The following TENT4B variants were observed in gnomAD, a reference collection of about 807,000 sequenced individuals.
TENT4B encodes PAP associated domain containing 5.
A neutral mutation model predicts 75.0 loss-of-function variants in TENT4B; 10 were observed. The ratio of observed to expected loss-of-function variants is 0.13; its 90% CI spans 0.08 to 0.23. TENT4B has a LOEUF of 0.23. Among genes scored for constraint, TENT4B ranks in the 10% least tolerant of loss-of-function variants. The pLI is 1.00. For missense variants in TENT4B, 579 were observed against 893.8 expected (o/e 0.65, Z 4.49); for synonymous variants, 350 against 357.7 (o/e 0.98, Z 0.24).
intron 1 of TENT4B, among the ~76,000 whole-genome samples, chr16:50,166,392 T>C (rs1597224787): frequency 6.6e-6 from 1 of 152,210 alleles, no homozygotes; most frequent in Non-Finnish European, 1.5e-5. Flanking sequence ...GTCTGCACTT[T>C]CTTTATTATC....
chr16:50,208,763 C>G (rs1350586290), intron 1 of TENT4B, among the ~76,000 whole-genome samples: 2 of 151,826 alleles, frequency 1.3e-5, no homozygotes, highest in African/African-American at 4.8e-5. Context: ...GACAAAGTCT[C>G]ACTCCATTGC....
At chr16:50,204,193 G>A (rs2030818306) in intron 1 of TENT4B, among the ~76,000 whole-genome samples, 1 of 152,052 alleles carries the variant, frequency 6.6e-6, no homozygotes, top group Non-Finnish European at 1.5e-5. Flanking sequence ...AAAAGGGAGA[G>A]GCTCATAGTA....
At chr16:50,200,661 A>G (rs897362741) in intron 1 of TENT4B, among the ~76,000 whole-genome samples, 1 of 151,986 alleles carries the variant, frequency 6.6e-6, no homozygotes, top group Admixed American at 6.6e-5. Flanking sequence ...CTTCTCATCT[A>G]TGTATCTTCT....
intron 10 of TENT4B, among the ~76,000 whole-genome samples, chr16:50,226,524 C>T (rs552117992): frequency 1.1e-4 from 16 of 152,212 alleles, no homozygotes; most frequent in East Asian, 5.8e-4. Flanking sequence ...CTCCGCCTCC[C>T]GGGTTCATGC....
chr16:50,213,852 G>A (rs2031412855), intron 2 of TENT4B, among the ~76,000 whole-genome samples: 3 of 152,176 alleles, frequency 2.0e-5, no homozygotes, highest in South Asian at 4.1e-4. Context: ...TAAAGATGAT[G>A]TAAAGTACAT....
At chr16:50,211,138 T>C (rs1227709701) in intron 1 of TENT4B, among the ~76,000 whole-genome samples, 185 bp from the exon 2 acceptor site, 1 of 152,198 alleles carries the variant, frequency 6.6e-6, no homozygotes, top group Non-Finnish European at 1.5e-5. Flanking sequence ...TTCTCATTAT[T>C]TAATTATTTT....
At chr16:50,193,574 G>A (rs972979314) in intron 1 of TENT4B, among the ~76,000 whole-genome samples, 1 of 151,982 alleles carries the variant, frequency 6.6e-6, no homozygotes, top group Non-Finnish European at 1.5e-5. Context: ...TCCTGACCTC[G>A]TGATCCACCT....
chr16:50,205,366 A>T (rs181152015), intron 1 of TENT4B, among the ~76,000 whole-genome samples: 1,927 of 151,750 alleles, frequency 0.013, 22 homozygotes, highest in Middle Eastern at 0.065. Context: ...CTGATTTTTT[A>T]AAAAAAATTA....
At chr16:50,168,391 C>T (rs1597227166) in intron 1 of TENT4B, among the ~76,000 whole-genome samples, 2 of 151,852 alleles carry the variant, frequency 1.3e-5, no homozygotes, top group African/African-American at 4.8e-5. Flanking sequence ...GCCTCTGCCT[C>T]CTGGTTTCAA....
intron 1 of TENT4B, among the ~76,000 whole-genome samples, chr16:50,194,804 A>G (rs1188991136): frequency 7.4e-6 from 1 of 134,596 alleles, no homozygotes; most frequent in Non-Finnish European, 1.5e-5. Context: ...GCTGGAGTGC[A>G]GTGGCGCGAT....
At chr16:50,220,473 C>T (rs923518795) in intron 5 of TENT4B, among the ~76,000 whole-genome samples, 3 of 152,060 alleles carry the variant, frequency 2.0e-5, no homozygotes, top group Non-Finnish European at 4.4e-5. Flanking sequence ...AACCACCACA[C>T]CTGACCCCTA....
intron 1 of TENT4B, among the ~76,000 whole-genome samples, chr16:50,201,458 A>G (rs1006861948): frequency 7.9e-5 from 12 of 151,662 alleles, no homozygotes; most frequent in African/African-American, 2.9e-4. Context: ...AATCGATTGA[A>G]CCTGGGAGGC....
intron 1 of TENT4B, among the ~76,000 whole-genome samples, chr16:50,166,418 A>ATTATCT (rs2150675817): frequency 6.6e-6 from 1 of 152,216 alleles, no homozygotes; most frequent in African/African-American, 2.4e-5. Context: ...TCTTTATTAT[A>ATTATCT]GCCAATCTAG....
chr16:50,199,311 A>G (rs1324101790), intron 1 of TENT4B, among the ~76,000 whole-genome samples: 1 of 152,228 alleles, frequency 6.6e-6, no homozygotes, highest in Non-Finnish European at 1.5e-5. Context: ...CTGGCTTTGC[A>G]GTGCAGCCTC....
At position 50,232,227 on chromosome 16, in the gene TENT4B, T is replaced by A; in HGVS notation, c.*2899T>A. The A allele has an allele frequency of 1.0e-6, 1 of 985,408 alleles. No individual in the cohort carries two copies. Among genetic ancestry groups the A allele is most frequent in the Non-Finnish European group, 1.2e-6 (1 of 829,928 alleles). 61.0% of individuals were successfully genotyped at this position (985,408 alleles called of 1,614,324 possible). ...CTGTGAAGGTGCCTGGTTTTGAATG[T>A]CTTTGTTTGGTTTGGAGATGTCGCA... On this transcript the variant is annotated 3_prime_UTR_variant, in exon 12 of 12. Coordinates refer to ENST00000561678, the MANE Select transcript of TENT4B (RefSeq NM_001365324.3).
chr16:50,155,272 G>GGGGGGTGT (rs377547594), intron 1 of TENT4B, among the ~76,000 whole-genome samples: 3 of 135,372 alleles, frequency 2.2e-5, no homozygotes, highest in African/African-American at 8.4e-5. Context: ...GGGTCTCGTG[G>GGGGGGTGT]GTGTGTGTGT....
chr16:50,200,790 G>GT (rs1281416019), intron 1 of TENT4B, among the ~76,000 whole-genome samples: 3 of 150,448 alleles, frequency 2.0e-5, no homozygotes, highest in Non-Finnish European at 4.4e-5. Context: ...TTATTTTTGT[G>GT]TTTTTTATTT....
At chr16:50,190,768 A>G (rs1434795099) in intron 1 of TENT4B, among the ~76,000 whole-genome samples, 7 of 152,074 alleles carry the variant, frequency 4.6e-5, no homozygotes, top group South Asian at 4.1e-4. Context: ...CATTAAATAC[A>G]TTCACGTTAC....
intron 5 of TENT4B, among the ~76,000 whole-genome samples, chr16:50,219,007 C>G (rs1311627920): frequency 1.3e-5 from 2 of 151,838 alleles, no homozygotes; most frequent in African/African-American, 4.8e-5. Flanking sequence ...CTTGATGTTA[C>G]AAGCATTATC....
Sources: allele counts gnomAD v4.1 joint callset (sites outside exome capture counted in the v4.1 genomes callset), GRCh38; gene constraint gnomAD v4.1.1; transcripts MANE v1.5; gene names NCBI Gene and HGNC (gene_info 2026-07-23, HGNC 2026-07-21).